PTPRD: variants seen among roughly 807,000 people sequenced by gnomAD.
PTPRD encodes protein tyrosine phosphatase receptor type D.
Under a neutral mutation model 214.5 loss-of-function variants are expected in PTPRD, and 34 were observed. The ratio of observed to expected loss-of-function variants is 0.16; its 90% confidence interval spans 0.12 to 0.21. The LOEUF (loss-of-function observed/expected upper bound fraction) is 0.21, where lower values mean the gene tolerates loss of function less well. PTPRD is among the 10% of genes least tolerant of loss of function. The pLI, the probability that PTPRD is intolerant of heterozygous loss-of-function variation, is 1.00. For synonymous variants in PTPRD, 1,128 were observed against 845.7 expected, an observed-to-expected ratio of 1.33 and a Z score of -5.79; for missense variants, 2,545 against 2,398.7, an observed-to-expected ratio of 1.06 and a Z score of -1.27.
chr9:9,135,455 C>T (rs372791863), intron 10 of PTPRD, among the ~76,000 whole-genome samples: 1 of 152,088 alleles, frequency 6.6e-6, no homozygotes, highest in Non-Finnish European at 1.5e-5. Context: ...ATCATTTTCC[C>T]TGTGATGGCT....
intron 12 of PTPRD, among the ~76,000 whole-genome samples, chr9:8,703,390 T>A (rs2098132595): frequency 6.6e-6 from 1 of 152,208 alleles, no homozygotes; most frequent in Admixed American, 6.5e-5. Context: ...CCTTAAAAAT[T>A]ATTCCTCTTT....
chr9:8,513,867 T>C (rs892199405), intron 21 of PTPRD, among the ~76,000 whole-genome samples: 5 of 152,114 alleles, frequency 3.3e-5, no homozygotes, highest in African/African-American at 9.7e-5. Context: ...TCTTAGCTTA[T>C]TGAGCTTGGC....
At chr9:8,378,054 T>G (rs912965095) in intron 37 of PTPRD, among the ~76,000 whole-genome samples, 1 of 152,122 alleles carries the variant, frequency 6.6e-6, no homozygotes, top group African/African-American at 2.4e-5. Flanking sequence ...TCACAAGGTT[T>G]GATTCCTATG....
At chr9:9,197,310 TCTC>T (rs1160207027) in intron 9 of PTPRD, among the ~76,000 whole-genome samples, 3 of 152,122 alleles carry the variant, frequency 2.0e-5, no homozygotes, top group African/African-American at 7.2e-5. Context: ...TGGCTTGTGT[TCTC>T]CTACGCTGCA....
intron 10 of PTPRD, among the ~76,000 whole-genome samples, chr9:9,052,096 A>G (rs1279431197): frequency 2.6e-5 from 4 of 152,186 alleles, no homozygotes; most frequent in African/African-American, 9.7e-5. Flanking sequence ...ACACAGACTC[A>G]GTGTGGTGTG....
intron 6 of PTPRD, among the ~76,000 whole-genome samples, chr9:9,735,450 G>A (rs978159072): frequency 2.6e-5 from 4 of 152,038 alleles, no homozygotes; most frequent in African/African-American, 7.2e-5. Flanking sequence ...TGGAGAACAC[G>A]GTAAGTGTGA....
intron 6 of PTPRD, among the ~76,000 whole-genome samples, chr9:9,753,195 C>T (rs184703024): frequency 6.6e-6 from 1 of 152,008 alleles, no homozygotes; most frequent in Admixed American, 6.6e-5. Context: ...GACATCACTA[C>T]TGTAATTGAG....
At chr9:8,900,432 A>G (rs1314877732) in intron 11 of PTPRD, among the ~76,000 whole-genome samples, 1 of 152,246 alleles carries the variant, frequency 6.6e-6, no homozygotes. Flanking sequence ...AATCATAAAC[A>G]ATAAAGAACA....
intron 2 of PTPRD, among the ~76,000 whole-genome samples, chr9:10,391,086 A>G (rs768037919): frequency 5.3e-5 from 8 of 151,784 alleles, no homozygotes; most frequent in Non-Finnish European, 8.8e-5. Flanking sequence ...AGTATTGGGG[A>G]TTGTGTTAAA....
intron 9 of PTPRD, among the ~76,000 whole-genome samples, chr9:9,345,015 A>G (rs1244852009): frequency 6.6e-6 from 1 of 152,146 alleles, no homozygotes; most frequent in Non-Finnish European, 1.5e-5. Flanking sequence ...ATAATGCCCT[A>G]GAAGTCATAT....
At chr9:10,395,093 T>G (rs75829458) in intron 2 of PTPRD, among the ~76,000 whole-genome samples, 4,620 of 151,446 alleles carry the variant, frequency 0.031, 250 homozygotes, top group African/African-American at 0.11. Flanking sequence ...TTCTGCAGGC[T>G]TTCTTTTTAT....
chr9:9,344,160 T>C (rs1307695453), intron 9 of PTPRD, among the ~76,000 whole-genome samples: 1 of 152,076 alleles, frequency 6.6e-6, no homozygotes, highest in African/African-American at 2.4e-5. Context: ...CTCATCTTTT[T>C]GTTCAAGTCC....
At chr9:10,212,281 G>A (rs2154342398) in intron 3 of PTPRD, among the ~76,000 whole-genome samples, 1 of 152,138 alleles carries the variant, frequency 6.6e-6, no homozygotes, top group Admixed American at 6.6e-5. Flanking sequence ...ATAAAAAATG[G>A]AACTCATAGA....
intron 14 of PTPRD, among the ~76,000 whole-genome samples, chr9:8,615,237 G>C (rs1262094633): frequency 1.4e-5 from 2 of 142,048 alleles, no homozygotes; most frequent in Non-Finnish European, 2.9e-5. Flanking sequence ...AGCGTTAATG[G>C]GAGCTGTGGG....
chr9:10,279,081 T>A (rs1356437653), intron 3 of PTPRD, among the ~76,000 whole-genome samples: 1 of 151,918 alleles, frequency 6.6e-6, no homozygotes, highest in Admixed American at 6.6e-5. Flanking sequence ...GCCCCATGTA[T>A]GGTAAAAGTT....
intron 10 of PTPRD, among the ~76,000 whole-genome samples, chr9:9,090,615 G>A (rs2099774102): frequency 1.3e-5 from 2 of 152,112 alleles, no homozygotes; most frequent in Admixed American, 6.5e-5. Context: ...TTTGGATGAA[G>A]GGCAGAAGCT....
chr9:10,047,156 T>G (rs1589666696), intron 3 of PTPRD, among the ~76,000 whole-genome samples: 1 of 151,968 alleles, frequency 6.6e-6, no homozygotes, highest in Non-Finnish European at 1.5e-5. Flanking sequence ...TTTGTGAACA[T>G]AAAATTACAA....
intron 3 of PTPRD, among the ~76,000 whole-genome samples, chr9:10,130,434 T>C (rs539815330): frequency 6.6e-6 from 1 of 152,242 alleles, no homozygotes; most frequent in South Asian, 2.1e-4. Context: ...CTCTTTAGAG[T>C]GATAATGATG....
At chr9:9,162,792 C>G (rs1177242154) in intron 10 of PTPRD, among the ~76,000 whole-genome samples, 2 of 152,096 alleles carry the variant, frequency 1.3e-5, no homozygotes, top group East Asian at 3.9e-4. Flanking sequence ...TCTATATTTT[C>G]TGTCCCAGTT....
Sources: allele counts gnomAD v4.1 joint callset (sites outside exome capture counted in the v4.1 genomes callset), GRCh38; gene constraint gnomAD v4.1.1; transcripts MANE v1.5; gene names NCBI Gene and HGNC (gene_info 2026-07-23, HGNC 2026-07-21).